Variants in MGAT4D observed in about 807,000 individuals in gnomAD.
MGAT4D encodes MGAT4 family member D.
MGAT4D carries 34 observed loss-of-function variants against 15.9 expected under a neutral mutation model. The observed-to-expected ratio is 2.14, with a 90% CI of 1.62 to 2.84. MGAT4D has a LOEUF of 2.84. MGAT4D is among the 30% of genes most tolerant of loss of function. The pLI is 0.00. For missense variants in MGAT4D, 327 were observed against 140.2 expected, an observed-to-expected ratio of 2.33 and a Z score of -6.73; for synonymous variants, 112 against 48.2, an observed-to-expected ratio of 2.33 and a Z score of -5.49.
At chr4:140,497,332 T>C (rs1039244096) in intron 1 of MGAT4D, among the ~76,000 whole-genome samples, 5 of 152,136 alleles carry the variant, frequency 3.3e-5, no homozygotes, top group Non-Finnish European at 5.9e-5. Context: ...CGCGGACAAC[T>C]AGGGTTAAAA....
chr4:140,447,565 C>T (rs1644445539), intron 10 of MGAT4D, among the ~76,000 whole-genome samples: 1 of 152,052 alleles, frequency 6.6e-6, no homozygotes, highest in Non-Finnish European at 1.5e-5. Context: ...GATTTTTCTC[C>T]ATCCATTTAT....
chr4:140,466,847 G>T (rs1470272370), intron 5 of MGAT4D, among the ~76,000 whole-genome samples: 1 of 152,062 alleles, frequency 6.6e-6, no homozygotes, highest in Non-Finnish European at 1.5e-5. Context: ...GTTTTATAAT[G>T]GGTATGTATC....
At chr4:140,445,794 C>A (rs1023823225) in intron 10 of MGAT4D, among the ~76,000 whole-genome samples, 3 of 152,094 alleles carry the variant, frequency 2.0e-5, no homozygotes, top group African/African-American at 7.2e-5. Flanking sequence ...AAGTCTTTTC[C>A]CCCATTGCTT....
intron 6 of MGAT4D, among the ~76,000 whole-genome samples, chr4:140,463,628 T>C (rs551903386): frequency 8.5e-5 from 13 of 152,150 alleles, no homozygotes; most frequent in African/African-American, 2.9e-4. Context: ...CTGTGTCTCA[T>C]AACCTCATAT....
chr4:140,474,464 C>T (rs1330307492), intron 4 of MGAT4D, among the ~76,000 whole-genome samples: 2 of 152,144 alleles, frequency 1.3e-5, no homozygotes, highest in African/African-American at 2.4e-5. Flanking sequence ...CATTTTATTA[C>T]TAGCATCGAT....
At chr4:140,470,091 T>G (rs1391876501) in intron 5 of MGAT4D, among the ~76,000 whole-genome samples, 5 of 152,264 alleles carry the variant, frequency 3.3e-5, no homozygotes, top group African/African-American at 1.2e-4. Context: ...CTCCAGGGCC[T>G]CTGATCCCCG....
At chr4:140,448,765 A>G (rs1450925295) in intron 10 of MGAT4D, among the ~76,000 whole-genome samples, 1 of 152,238 alleles carries the variant, frequency 6.6e-6, no homozygotes, top group Non-Finnish European at 1.5e-5. Flanking sequence ...TTTGCAGGAC[A>G]GAAGACACTC....
At chr4:140,481,892 G>C (rs1732757061) in intron 2 of MGAT4D, among the ~76,000 whole-genome samples, 1 of 152,196 alleles carries the variant, frequency 6.6e-6, no homozygotes. Flanking sequence ...AGAAAAATTA[G>C]CTGTATGTTA....
intron 1 of MGAT4D, among the ~76,000 whole-genome samples, chr4:140,494,090 T>TGG (rs1459000885): frequency 2.0e-5 from 3 of 152,148 alleles, no homozygotes; most frequent in Non-Finnish European, 4.4e-5. Context: ...AATCTGGAAT[T>TGG]GGTTACCTGA....
At position 140,492,293 on chromosome 4, in the gene MGAT4D, T is replaced by C. The variant is rs1027195498; in HGVS notation, c.94+5836A>G. ...GTGAGGGAAAAAGACTTCTTAGTAGTAGAGCCTTCAGCTCCAAATGTCCCA... is the reference window on the plus strand; with the variant it reads ...GTGAGGGAAAAAGACTTCTTAGTAGCAGAGCCTTCAGCTCCAAATGTCCCA... On this transcript the variant is annotated intron_variant, in intron 1 of 10. Coordinates refer to ENST00000511113, the MANE Select transcript of MGAT4D (RefSeq NM_001277353.2). Among the ~76,000 whole-genome samples the C allele has an allele frequency of 7.2e-5, 11 of 152,152 alleles. No individual in the cohort carries two copies. In the East Asian group the frequency reaches 2.1e-3, roughly 29 times the overall value.
intron 4 of MGAT4D, among the ~76,000 whole-genome samples, chr4:140,474,334 A>G (rs180997676): frequency 5.9e-5 from 9 of 152,294 alleles, no homozygotes; most frequent in African/African-American, 1.7e-4. Context: ...TGCAGGTTAT[A>G]AATGTGTATA....
chr4:140,489,291 T>C (rs1733355371), intron 1 of MGAT4D, among the ~76,000 whole-genome samples: 1 of 152,308 alleles, frequency 6.6e-6, no homozygotes, highest in East Asian at 1.9e-4. Context: ...TGCTTTGCAA[T>C]AATCAAATCA....
chr4:140,466,654 G>C (rs533430239), intron 5 of MGAT4D, among the ~76,000 whole-genome samples: 1 of 152,214 alleles, frequency 6.6e-6, no homozygotes, highest in East Asian at 1.9e-4. Flanking sequence ...TTGACAGAGA[G>C]TAATGTTTTA....
intron 5 of MGAT4D, among the ~76,000 whole-genome samples, chr4:140,470,212 C>A (rs555310044): frequency 6.6e-6 from 1 of 152,304 alleles, no homozygotes; most frequent in Admixed American, 6.5e-5. Flanking sequence ...TGCCTGTTTC[C>A]TCTATTTGAA....
chr4:140,462,834 T>A lies in MGAT4D; in HGVS notation c.687-830A>T, dbSNP rs1013298157. ...AAAAATGGCGGATAGGAGACAGGAC[T>A]AATGCGCAGCTCCTGCTTGGCCAGG... is the stretch of plus-strand genomic sequence containing the variant. On this transcript the variant is annotated intron_variant, in intron 6 of 10. Coordinates refer to ENST00000511113, the MANE Select transcript of MGAT4D (RefSeq NM_001277353.2). Among the ~76,000 whole-genome samples, 3 of 152,162 alleles carry A rather than the reference T, an allele frequency of 2.0e-5. No individual in the cohort carries two copies. The East Asian group carries it at 5.8e-4, about 29-fold the overall frequency.
chr4:140,452,824 C>G (rs902702231), intron 9 of MGAT4D, among the ~76,000 whole-genome samples: 4 of 151,972 alleles, frequency 2.6e-5, no homozygotes, highest in African/African-American at 9.7e-5. Context: ...TTTCACCCAG[C>G]CCTAGGTCCT....
At chr4:140,474,026 C>A (rs1328886207) in intron 4 of MGAT4D, among the ~76,000 whole-genome samples, 1 of 152,082 alleles carries the variant, frequency 6.6e-6, no homozygotes, top group Non-Finnish European at 1.5e-5. Flanking sequence ...TATACACTTG[C>A]CTGATTATTT....
At chr4:140,446,336 CA>C (rs1410899362) in intron 10 of MGAT4D, among the ~76,000 whole-genome samples, 2 of 152,036 alleles carry the variant, frequency 1.3e-5, no homozygotes, top group Non-Finnish European at 2.9e-5. Context: ...ATTACTGATT[CA>C]ATTTTGGAGT....
At chr4:140,491,500 T>TA (rs1275660498) in intron 1 of MGAT4D, among the ~76,000 whole-genome samples, 2 of 152,020 alleles carry the variant, frequency 1.3e-5, no homozygotes, top group Non-Finnish European at 2.9e-5. Context: ...GGAGAGATCC[T>TA]ACTAAGCCAA....
Sources: gnomAD v4.1 joint callset for allele counts (sites outside exome capture counted in the v4.1 genomes callset) on GRCh38, gnomAD v4.1.1 for gene constraint, MANE v1.5 for transcripts, NCBI Gene and HGNC (gene_info 2026-07-23, HGNC 2026-07-21) for gene names.